The following DNAJC11 variants were observed in gnomAD, a reference collection of about 807,000 sequenced individuals.
The protein encoded by DNAJC11 is DnaJ heat shock protein family (Hsp40) member C11, also known as dnaJ homolog subfamily C member 11.
DNAJC11 carries 15 observed loss-of-function variants against 78.6 expected under a neutral mutation model. That is an observed-to-expected ratio of 0.19 (90% CI 0.13 to 0.29). The LOEUF is 0.29. DNAJC11 is among the 10% of genes least tolerant of loss of function. The pLI is 1.00. For missense variants in DNAJC11, 547 were observed against 709.6 expected (o/e 0.77, Z 2.60); for synonymous variants, 292 against 272.1 (o/e 1.07, Z -0.72).
intron 1 of DNAJC11, among the ~76,000 whole-genome samples, chr1:6,695,700 T>C (rs987368251): frequency 4.2e-5 from 6 of 142,848 alleles, no homozygotes; most frequent in Non-Finnish European, 6.0e-5. Flanking sequence ...CCCAGCTACT[T>C]GGGAGGCTGA....
chr1:6,670,097 G>A (rs532440391), intron 3 of DNAJC11, among the ~76,000 whole-genome samples: 1 of 152,150 alleles, frequency 6.6e-6, no homozygotes, highest in East Asian at 1.9e-4. Flanking sequence ...GGGACAACAG[G>A]TGTGCGGCAC....
chr1:6,652,358 A>G (rs946343290), intron 6 of DNAJC11, among the ~76,000 whole-genome samples: 1 of 152,230 alleles, frequency 6.6e-6, no homozygotes, highest in South Asian at 2.1e-4. Flanking sequence ...GGCATCTCAT[A>G]GGAAACCTTG....
Position 6,699,640 on chromosome 1 carries a change from C to A in DNAJC11, c.72+2089G>T, listed in dbSNP as rs182407576. ...GACTTAAGGCTAAATAAGTGATTAG[C>A]CCATTAAAACCTAGATGATGGGTTG... On this transcript the variant is annotated intron_variant, in intron 1 of 15. Transcript: ENST00000377577. Among the ~76,000 whole-genome samples, 43 of 152,208 alleles carry A rather than the reference C, an allele frequency of 2.8e-4. 1 individual carries two copies. Among genetic ancestry groups the A allele is most frequent in the African/African-American group, 1.0e-3 (43 of 41,534 alleles).
At chr1:6,663,610 G>A (rs1305201350) in intron 4 of DNAJC11, among the ~76,000 whole-genome samples, 2 of 152,182 alleles carry the variant, frequency 1.3e-5, no homozygotes, top group African/African-American at 4.8e-5. Flanking sequence ...TGCCCAGGGT[G>A]GTCCAGTCAG....
intron 4 of DNAJC11, among the ~76,000 whole-genome samples, chr1:6,662,133 TTG>T (rs1001213083): frequency 7.5e-5 from 11 of 146,864 alleles, no homozygotes; most frequent in African/African-American, 1.5e-4. Flanking sequence ...TTTTTGTTTT[TTG>T]TTTTTTTTTT....
chr1:6,654,034 C>T lies in DNAJC11; in HGVS notation c.384G>A (p.Thr128=), dbSNP rs151292159. The T allele has an allele frequency of 1.6e-5, 26 of 1,612,454 alleles. No individual in the cohort carries two copies. The highest frequency in any genetic ancestry group is 1.3e-4 in the African/African-American group (10 of 75,008). The change falls in exon 5 of 16, where the codon ACG becomes ACA. Residue 128 remains threonine (T), a synonymous_variant. Coordinates refer to ENST00000377577, the MANE Select transcript of DNAJC11 (RefSeq NM_018198.4). ...CGGTGGCATCTACTCCAACGCTGAT[C>T]GTTCCCTGGGGCAGAAAAACAAGCC... The part of the protein sequence containing the change: ...RLQQRTNPKG[T]ISVGVDATDL...
Position 6,652,492 on chromosome 1 carries a change from G to A in DNAJC11, c.630+337C>T, listed in dbSNP as rs548133980. ...GTCCCCCAGACTGGAGTGCAACGGC[G>A]CGATCTTGACTCGCTGCAACCTCTG... On this transcript the variant is annotated intron_variant, in intron 6 of 15. Coordinates refer to ENST00000377577, the MANE Select transcript of DNAJC11 (RefSeq NM_018198.4). 1.4e-4 allele frequency among the ~76,000 whole-genome samples: 22 copies of A among 152,178 alleles called. 1 individual carries two copies. The highest frequency in any genetic ancestry group is 1.3e-3 in the Admixed American group (20 of 15,262).
chr1:6,648,277 T>C (rs1641998184), intron 7 of DNAJC11, among the ~76,000 whole-genome samples: 1 of 152,148 alleles, frequency 6.6e-6, no homozygotes, highest in African/African-American at 2.4e-5. Flanking sequence ...TGCCTCAGCC[T>C]CCCAAGTAGC....
At chr1:6,636,030 G>A (rs1641760909) in intron 15 of DNAJC11, 87 bp downstream of exon 15, 1 of 1,501,430 alleles carries the variant, frequency 6.7e-7, no homozygotes, top group African/African-American at 1.4e-5. Flanking sequence ...GAGGAAGGTG[G>A]AAGGTGGCTG....
chr1:6,688,821 A>C (rs1305308551), intron 1 of DNAJC11, among the ~76,000 whole-genome samples: 1 of 152,234 alleles, frequency 6.6e-6, no homozygotes, highest in African/African-American at 2.4e-5. Context: ...AAAGGGGCAT[A>C]AGAAGGCAGG....
At chr1:6,697,339 T>C (rs911036402) in intron 1 of DNAJC11, among the ~76,000 whole-genome samples, 2 of 152,220 alleles carry the variant, frequency 1.3e-5, no homozygotes, top group African/African-American at 4.8e-5. Flanking sequence ...TCCAACCTTT[T>C]AGCACCACGG....
chr1:6,652,707 G>T, intron 6 of DNAJC11, 122 bp downstream of exon 6: 1 of 1,320,264 alleles, frequency 7.6e-7, no homozygotes, highest in Non-Finnish European at 1.0e-6. Context: ...CTTGACACTT[G>T]GTACCGTTCT....
At chr1:6,677,846 TTTGACAAAGC>T (rs1199247132) in intron 3 of DNAJC11, among the ~76,000 whole-genome samples, 1 of 152,198 alleles carries the variant, frequency 6.6e-6, no homozygotes, top group Non-Finnish European at 1.5e-5. Context: ...ACTCATCACA[TTTGACAAAGC>T]TTGAATATTA....
chr1:6,644,931 ACACACACGTAGATATT>A (rs1641942821), intron 9 of DNAJC11, 94 bp downstream of exon 9: 1 of 1,066,772 alleles, frequency 9.4e-7, no homozygotes, highest in Admixed American at 1.8e-5. Flanking sequence ...CAAAAATGTC[ACACACACGTAGATATT>A]CACACGAGCA....
At chr1:6,649,932 CTGTACATGTT>C (rs1409168450) in intron 7 of DNAJC11, among the ~76,000 whole-genome samples, 11 of 152,014 alleles carry the variant, frequency 7.2e-5, no homozygotes, top group Middle Eastern at 3.2e-3. Context: ...TCTCGAACTC[CTGTACATGTT>C]TGTACATGTT....
chr1:6,643,767 C>T (rs1355019519), intron 10 of DNAJC11, among the ~76,000 whole-genome samples: 2 of 152,158 alleles, frequency 1.3e-5, no homozygotes, highest in Admixed American at 6.5e-5. Flanking sequence ...TAGGATGCAT[C>T]CTGTGACATC....
chr1:6,637,947 G>A (rs1355870136), intron 12 of DNAJC11: 1 of 386,364 alleles, frequency 2.6e-6, no homozygotes, highest in South Asian at 3.8e-5. Flanking sequence ...CCCTCAGACA[G>A]GCATGTGCTC....
intron 3 of DNAJC11, among the ~76,000 whole-genome samples, chr1:6,673,068 C>T (rs774583582): frequency 1.8e-4 from 28 of 151,786 alleles, no homozygotes; most frequent in African/African-American, 4.3e-4. Context: ...TGGTGGCGGG[C>T]GCCCATAATT....
At chr1:6,663,952 G>C (rs981579860) in intron 4 of DNAJC11, among the ~76,000 whole-genome samples, 1 of 152,176 alleles carries the variant, frequency 6.6e-6, no homozygotes, top group African/African-American at 2.4e-5. Context: ...GAGTCTGGAC[G>C]CAGGGCCCTG....
Sources: gnomAD v4.1 joint callset for allele counts (sites outside exome capture counted in the v4.1 genomes callset) on GRCh38, gnomAD v4.1.1 for gene constraint, MANE v1.5 for transcripts, NCBI Gene and HGNC (gene_info 2026-07-23, HGNC 2026-07-21) for gene names.